Variants in PCSK1 observed in about 807,000 individuals in gnomAD.
The protein encoded by PCSK1 is neuroendocrine convertase 1.
A neutral mutation model predicts 90.6 loss-of-function variants in PCSK1; 56 were observed. That is an observed-to-expected ratio of 0.62 (90% CI 0.50 to 0.77). PCSK1 has a LOEUF of 0.77. Among genes scored for constraint, PCSK1 ranks in the 30% least tolerant of loss-of-function variants. The pLI is 0.00. For missense variants in PCSK1, 801 were observed against 932.6 expected, an observed-to-expected ratio of 0.86 and a Z score of 1.84; for synonymous variants, 348 against 342.4, an observed-to-expected ratio of 1.02 and a Z score of -0.18.
chr5:96,432,023 C>A (rs1188448435), intron 1 of PCSK1: 7 of 1,241,056 alleles, frequency 5.6e-6, no homozygotes, highest in Non-Finnish European at 6.8e-6. Flanking sequence ...TACCTATCGA[C>A]CAAGCCTTCA....
chr5:96,425,173 A>G (rs1238396215), intron 3 of PCSK1, among the ~76,000 whole-genome samples: 2 of 152,218 alleles, frequency 1.3e-5, no homozygotes, highest in East Asian at 3.8e-4. Context: ...AATCTTTTAT[A>G]AAATTCTCAA....
chr5:96,432,893 G>A lies in PCSK1; in HGVS notation c.150C>T (p.Ala50=), dbSNP rs767607615. 3 of 1,613,882 alleles carry A rather than the reference G, an allele frequency of 1.9e-6. No homozygotes were observed. In the African/African-American group the frequency reaches 4.0e-5, roughly 22 times the overall value. ...PGGPEAASAI[A]EELGYDLLGQ... The stretch of plus-strand genomic sequence containing the variant: ...CCAAAAGGTCATAGCCCAGCTCCTC[G>A]GCGATGGCCGAGGCTGCTTCCGGGC... Residue 50 remains alanine (A), a synonymous_variant, in exon 1 of 14, where the codon GCC becomes GCT. Transcript: ENST00000311106.
chr5:96,401,468 G>A (rs1268573997), intron 9 of PCSK1, among the ~76,000 whole-genome samples: 2 of 152,186 alleles, frequency 1.3e-5, no homozygotes, highest in Admixed American at 6.5e-5. Flanking sequence ...TTTATCTTTT[G>A]GGCAGTGGGA....
At chr5:96,413,963 CAAAAA>C (rs61316405) in intron 6 of PCSK1, among the ~76,000 whole-genome samples, 1 of 22,436 alleles carries the variant, frequency 4.5e-5, no homozygotes, top group African/African-American at 9.6e-5. Flanking sequence ...ACTAAAAATA[CAAAAA>C]AAAAAAAAAA....
intron 2 of PCSK1, among the ~76,000 whole-genome samples, chr5:96,427,853 A>G (rs1252855988): frequency 2.0e-5 from 3 of 152,130 alleles, no homozygotes; most frequent in Non-Finnish European, 4.4e-5. Context: ...GCTAGAAGTT[A>G]TTCTGCTTTT....
Position 96,399,991 on chromosome 5 carries a change from C to A in PCSK1, c.1392G>T (p.Lys464Asn). 6.2e-7 allele frequency: 1 copy of A among 1,614,170 alleles called. No individual in the cohort carries two copies. Among genetic ancestry groups the A allele is most frequent in the African/African-American group, 1.3e-5 (1 of 75,050 alleles). ...CATTGTCCTTTACAACACACTCTTT[C>A]TTCTCAGGCACGCTCCTCCAGGTCC... ...DPRTWRSVPE[K>N]KECVVKDNDF... Residue 464 changes from lysine to asparagine, a missense_variant, in exon 10 of 14, where the codon AAG becomes AAT. By Grantham distance (94) the Lys-to-Asn change is moderately conservative. Transcript: ENST00000311106.
chr5:96,421,604 A>G (rs1272181787), intron 5 of PCSK1, among the ~76,000 whole-genome samples: 1 of 152,242 alleles, frequency 6.6e-6, no homozygotes, highest in Non-Finnish European at 1.5e-5. Context: ...TTATGTCTCA[A>G]ACATTCTTTC....
At chr5:96,412,541 A>G (rs1203261744) in intron 6 of PCSK1, 51 bp from the exon 7 acceptor site, 7 of 1,513,370 alleles carry the variant, frequency 4.6e-6, no homozygotes, top group Non-Finnish European at 6.4e-6. Flanking sequence ...CAGTATGTAC[A>G]TGGACAAAAG....
chr5:96,398,747 T>C, intron 11 of PCSK1, 132 bp downstream of exon 11: 2 of 784,038 alleles, frequency 2.6e-6, no homozygotes, highest in South Asian at 1.5e-5. Flanking sequence ...AAGGAAAAAA[T>C]AAGCATGTTT....
At chr5:96,398,835 C>T in intron 11 of PCSK1, 44 bp downstream of exon 11, 2 of 1,484,268 alleles carry the variant, frequency 1.3e-6, no homozygotes, top group Middle Eastern at 3.4e-4. Flanking sequence ...AATCATTCAA[C>T]TTACACTTAA....
rs1431453437 is a variant in PCSK1 at position 96,429,227 on chromosome 5, A to G, written c.271T>C (p.Ser91Pro). 6.5e-7 allele frequency: 1 copy of G among 1,542,440 alleles called. No individual in the cohort carries two copies. Among genetic ancestry groups the G allele is most frequent in the Non-Finnish European group, 9.0e-7 (1 of 1,114,810 alleles). ...ACAACACTTACACGATCATCATCAG[A>G]TAATCTCTTAGTGATATGAAAGGCA... Reference protein sequence around the residue: ...RSAFHITKRLSDDDRVIWAEQ... With the variant: ...RSAFHITKRLPDDDRVIWAEQ... Residue 91 changes from serine (S) to proline (P), a missense_variant, in exon 2 of 14, where the codon TCT becomes CCT. By Grantham distance (74) the Ser-to-Pro change is moderately conservative. Transcript: ENST00000311106.
In PCSK1 at chr5:96,393,419, T is replaced by C. The variant is rs572953653; in HGVS notation, c.1885-41A>G. The C allele has an allele frequency of 2.5e-6, 4 of 1,611,522 alleles. No homozygotes were observed. The African/African-American group carries it at 4.0e-5, about 16-fold the overall frequency. On this transcript the variant is annotated intron_variant, in intron 13 of 13. Transcript: ENST00000311106. ...CCATCCACAAAGGGAAGAAGGTTCA[T>C]TATTTATGGCCAGGCAAGCTAGTTG...
chr5:96,394,817 C>T, intron 13 of PCSK1, 47 bp downstream of exon 13: 1 of 1,583,524 alleles, frequency 6.3e-7, no homozygotes. Context: ...ACTACATTGT[C>T]TACCCCAGTT....
rs1324393577 is a variant in PCSK1, at chr5:96,392,737, A to G, written c.*264T>C. 6 of 512,374 alleles carry G rather than the reference A, an allele frequency of 1.2e-5. No homozygotes were observed. The East Asian group carries it at 1.4e-4, about 12-fold the overall frequency. 31.7% of individuals were successfully genotyped at this position (512,374 alleles called of 1,614,324 possible). The stretch of plus-strand genomic sequence containing the variant: ...AATGTAGTGTAAGAGCTTTTTGTCA[A>G]CTGTGACTCCAGAAAGAACAAAACA... On this transcript the variant is annotated 3_prime_UTR_variant, in exon 14 of 14. Transcript: ENST00000311106.
At chr5:96,428,537 C>T (rs902679804) in intron 2 of PCSK1, among the ~76,000 whole-genome samples, 2 of 152,144 alleles carry the variant, frequency 1.3e-5, no homozygotes, top group Admixed American at 1.3e-4. Context: ...TTCAAACTGC[C>T]TCTACCTTAT....
At chr5:96,412,753 T>TG (rs1760806579) in intron 6 of PCSK1, among the ~76,000 whole-genome samples, 1 of 26,312 alleles carries the variant, frequency 3.8e-5, no homozygotes, top group Non-Finnish European at 1.1e-4. Context: ...AGCTGTGATG[T>TG]TTTTTTTTTT....
intron 3 of PCSK1, among the ~76,000 whole-genome samples, chr5:96,424,076 G>C (rs1318219207): frequency 6.6e-6 from 1 of 152,194 alleles, no homozygotes; most frequent in Non-Finnish European, 1.5e-5. Flanking sequence ...CAGAGTGTGG[G>C]ACTGTACAGG....
intron 5 of PCSK1, among the ~76,000 whole-genome samples, chr5:96,417,650 G>A (rs1760978749): frequency 6.6e-6 from 1 of 152,112 alleles, no homozygotes; most frequent in African/African-American, 2.4e-5. Context: ...AGAACATATT[G>A]TTTGAGCTCT....
chr5:96,416,997 C>T (rs1461325054), intron 5 of PCSK1, among the ~76,000 whole-genome samples: 1 of 152,164 alleles, frequency 6.6e-6, no homozygotes, highest in African/African-American at 2.4e-5. Flanking sequence ...TGATTTTATT[C>T]TATTGTGGAA....
Sources: gnomAD v4.1 joint callset for allele counts (sites outside exome capture counted in the v4.1 genomes callset) on GRCh38, gnomAD v4.1.1 for gene constraint, MANE v1.5 for transcripts, NCBI Gene and HGNC (gene_info 2026-07-23, HGNC 2026-07-21) for gene names.